The following POLK variants were observed in gnomAD, a reference collection of about 807,000 sequenced individuals.
POLK encodes polymerase (DNA directed) kappa.
A neutral mutation model predicts 94.0 loss-of-function variants in POLK; 76 were observed. The observed-to-expected ratio is 0.81, with a 90% CI of 0.67 to 0.98. The LOEUF is 0.98. POLK is among the 50% of genes least tolerant of loss of function. POLK has a pLI of 0.00. For missense variants in POLK, 954 were observed against 1,010.1 expected, an observed-to-expected ratio of 0.94 and a Z score of 0.75; for synonymous variants, 349 against 325.4, an observed-to-expected ratio of 1.07 and a Z score of -0.78.
chr5:75,521,742 T>G (rs372472601), intron 1 of POLK, among the ~76,000 whole-genome samples: 8 of 150,964 alleles, frequency 5.3e-5, no homozygotes, highest in East Asian at 1.9e-4. Context: ...TGCTTAGAGA[T>G]TCTTTGTAAC....
chr5:75,513,524 A>G (rs1230773808), intron 1 of POLK, among the ~76,000 whole-genome samples: 1 of 152,236 alleles, frequency 6.6e-6, no homozygotes, highest in Non-Finnish European at 1.5e-5. Context: ...CAGTGATTTC[A>G]GAAATGGAAT....
chr5:75,607,411 T>A, the POLK span, among the ~76,000 whole-genome samples: 6 of 146,700 alleles, frequency 4.1e-5, no homozygotes, highest in African/African-American at 1.5e-4. Flanking sequence ...GAGGTTGCAG[T>A]GAGCTGAGAT....
At chr5:75,533,738 A>G (rs964101383) in intron 1 of POLK, among the ~76,000 whole-genome samples, 1 of 152,094 alleles carries the variant, frequency 6.6e-6, no homozygotes, top group Non-Finnish European at 1.5e-5. Flanking sequence ...ATATTTTTCC[A>G]TTTGTTTGTG....
chr5:75,511,514 C>T (rs946939109), upstream of POLK: 5 of 1,473,414 alleles, frequency 3.4e-6, no homozygotes, highest in Non-Finnish European at 4.5e-6. Context: ...CCCTCGATGC[C>T]AATTTCAAAT....
intron 7 of POLK, 44 bp downstream of exon 7, chr5:75,581,492 G>C (rs762279342): frequency 1.3e-6 from 2 of 1,539,818 alleles, no homozygotes; most frequent in African/African-American, 1.4e-5. Context: ...ATAATTTTCA[G>C]ACTGGCTAAT....
intron 3 of POLK, among the ~76,000 whole-genome samples, chr5:75,556,713 C>CTT (rs774487569): frequency 7.2e-6 from 1 of 139,774 alleles, no homozygotes; most frequent in Non-Finnish European, 1.6e-5. Flanking sequence ...ATCTTTTTTT[C>CTT]TTTTTTTTTT....
At chr5:75,565,475 A>T (rs1581034256) in intron 3 of POLK, among the ~76,000 whole-genome samples, 1 of 152,202 alleles carries the variant, frequency 6.6e-6, no homozygotes, top group East Asian at 1.9e-4. Flanking sequence ...TGTTATTTGG[A>T]ATTTTCAGCC....
chr5:75,527,014 A>G (rs1475447762), intron 1 of POLK, among the ~76,000 whole-genome samples: 1 of 152,220 alleles, frequency 6.6e-6, no homozygotes, highest in Non-Finnish European at 1.5e-5. Flanking sequence ...TTTAATGTTC[A>G]TAAGCATAAA....
chr5:75,573,715 C>G (rs756228242), intron 4 of POLK, 23 bp from the exon 5 acceptor site: 1 of 1,599,592 alleles, frequency 6.3e-7, no homozygotes, highest in Non-Finnish European at 8.6e-7. Context: ...GTATTTTTTT[C>G]CATGTGGTCA....
At chr5:75,603,074 A>T (rs1416942869), downstream of POLK, among the ~76,000 whole-genome samples, 1 of 152,256 alleles carries the variant, frequency 6.6e-6, no homozygotes, top group Non-Finnish European at 1.5e-5. Context: ...ATAGGCATAT[A>T]TGTAAGAAGG....
chr5:75,531,814 G>A (rs944549172), intron 1 of POLK, among the ~76,000 whole-genome samples: 5 of 151,954 alleles, frequency 3.3e-5, no homozygotes. Flanking sequence ...AAGAAAGTAA[G>A]CTGTAAACTT....
At chr5:75,542,947 G>A (rs1027866911) in intron 1 of POLK, among the ~76,000 whole-genome samples, 6 of 150,708 alleles carry the variant, frequency 4.0e-5, no homozygotes, top group Admixed American at 2.0e-4. Flanking sequence ...CCCTGACCTC[G>A]TGATCCACCC....
upstream of POLK, chr5:75,511,723 A>C (rs561694835): frequency 1.7e-4 from 263 of 1,544,758 alleles, no homozygotes; most frequent in African/African-American, 3.3e-3. Context: ...CTGACGCGAC[A>C]CGCCGAGCCT....
chr5:75,590,539 A>C, intron 11 of POLK, 99 bp downstream of exon 11: 1 of 723,978 alleles, frequency 1.4e-6, no homozygotes, highest in Non-Finnish European at 2.5e-6. Context: ...TTAAAGATGA[A>C]TACAAATTAA....
intron 1 of POLK, among the ~76,000 whole-genome samples, chr5:75,522,301 T>C (rs569586603): frequency 3.9e-5 from 6 of 152,334 alleles, no homozygotes; most frequent in Admixed American, 2.0e-4. Context: ...TCTGATTCTT[T>C]TTCTGTCTGC....
Position 75,601,128 on chromosome 5 carries a change from G to GA in POLK, c.*3117dup, listed in dbSNP as rs1024102840. 7 of 152,058 alleles carry GA rather than the reference G, an allele frequency of 4.6e-5. No individual in the cohort carries two copies. The East Asian group carries it at 1.4e-3, about 29-fold the overall frequency. 9.4% of individuals were successfully genotyped at this position (152,058 alleles called of 1,614,324 possible). A position where few individuals can be genotyped will look rare whatever the true frequency, so the allele number is the denominator to read the frequency against. Reference sequence around the variant, plus strand: ...TCATATATAACCTTTATAATAAAGAGAAAAAAATGGCAAAAACTGCTTTCG... The same window carrying GA: ...TCATATATAACCTTTATAATAAAGAGAAAAAAAATGGCAAAAACTGCTTTCG... On this transcript the variant is annotated 3_prime_UTR_variant, in exon 15 of 15. Coordinates refer to ENST00000241436, the Ensembl canonical transcript of POLK.
At chr5:75,528,277 G>A (rs1301751483) in intron 1 of POLK, among the ~76,000 whole-genome samples, 1 of 151,922 alleles carries the variant, frequency 6.6e-6, no homozygotes, top group Non-Finnish European at 1.5e-5. Flanking sequence ...TGATTAAGAG[G>A]GGAAGAAAAG....
At chr5:75,580,239 C>G (rs1287673691) in intron 6 of POLK, among the ~76,000 whole-genome samples, 8 of 151,658 alleles carry the variant, frequency 5.3e-5, no homozygotes, top group Admixed American at 5.3e-4. Flanking sequence ...CTGTATTGAC[C>G]TTAATTTGGA....
chr5:75,544,641 CTGAATGAATGAATGAA>C (rs61178645), intron 1 of POLK, among the ~76,000 whole-genome samples: 3 of 151,474 alleles, frequency 2.0e-5, no homozygotes, highest in African/African-American at 7.3e-5. Context: ...GACTTTGTCT[CTGAATGAATGAATGAA>C]TGAATGAATG....
Sources: gnomAD v4.1 joint callset for allele counts (sites outside exome capture counted in the v4.1 genomes callset) on GRCh38, gnomAD v4.1.1 for gene constraint, MANE v1.5 for transcripts, NCBI Gene and HGNC (gene_info 2026-07-23, HGNC 2026-07-21) for gene names.